The following CHN2 variants were observed in gnomAD, a reference collection of about 807,000 sequenced individuals.
CHN2 encodes beta-chimaerin.
In CHN2, 35 loss-of-function variants were observed where a neutral mutation model predicts 56.3. The ratio of observed to expected loss-of-function variants is 0.62; its 90% CI spans 0.47 to 0.82. The LOEUF (loss-of-function observed/expected upper bound fraction) is 0.82. Ranked by LOEUF, CHN2 falls within the 40% of genes least tolerant of loss-of-function variation. The pLI, the probability that CHN2 is intolerant of heterozygous loss-of-function variation, is 0.00. For missense variants in CHN2, 491 were observed against 580.5 expected (o/e 0.85, Z 1.58); for synonymous variants, 210 against 212.8 (o/e 0.99, Z 0.12).
At chr7:29,178,610 AAAAG>A (rs1430276384) in intron 2 of CHN2, among the ~76,000 whole-genome samples, 2 of 152,166 alleles carry the variant, frequency 1.3e-5, no homozygotes. Flanking sequence ...TCTTTTTAAA[AAAAG>A]CAGTTCATTG....
intron 1 of CHN2, among the ~76,000 whole-genome samples, chr7:29,222,490 C>CTGGTACATAA (rs374718249): frequency 6.6e-6 from 1 of 151,846 alleles, no homozygotes; most frequent in African/African-American, 2.4e-5. Flanking sequence ...ACCAAAACAG[C>CTGGTACATAA]ACAGACACAC....
chr7:29,316,673 GC>G (rs1161857248), intron 1 of CHN2, among the ~76,000 whole-genome samples: 3 of 152,112 alleles, frequency 2.0e-5, no homozygotes, highest in Admixed American at 6.6e-5. Flanking sequence ...TAGAGCTGCT[GC>G]CCCCAATGTG....
chr7:29,415,054 T>C (rs1803590997), intron 6 of CHN2, among the ~76,000 whole-genome samples: 1 of 152,040 alleles, frequency 6.6e-6, no homozygotes, highest in Non-Finnish European at 1.5e-5. Context: ...TGCTTAACTA[T>C]TAATAATTAA....
chr7:29,480,556 T>C (rs1261389721), intron 7 of CHN2, among the ~76,000 whole-genome samples, 200 bp downstream of exon 7: 2 of 152,244 alleles, frequency 1.3e-5, no homozygotes, highest in Non-Finnish European at 2.9e-5. Context: ...TCAGTGCTTA[T>C]GCCTGGAAAC....
intron 2 of CHN2, among the ~76,000 whole-genome samples, chr7:29,152,729 G>T (rs944488613): frequency 6.6e-6 from 1 of 152,202 alleles, no homozygotes; most frequent in African/African-American, 2.4e-5. Flanking sequence ...GAGACGGTTG[G>T]AAGAGTTAAC....
At chr7:29,280,755 T>C (rs1791639967) in intron 1 of CHN2, among the ~76,000 whole-genome samples, 1 of 152,142 alleles carries the variant, frequency 6.6e-6, no homozygotes, top group Non-Finnish European at 1.5e-5. Context: ...TTCCTCAGCT[T>C]TGAGTTCTTC....
chr7:29,149,439 C>G (rs1793280373), intron 2 of CHN2, among the ~76,000 whole-genome samples: 1 of 152,094 alleles, frequency 6.6e-6, no homozygotes, highest in African/African-American at 2.4e-5. Context: ...AGTTATCCAC[C>G]TGCCTTGGCC....
At chr7:29,305,566 A>C (rs1450035268) in intron 1 of CHN2, among the ~76,000 whole-genome samples, 4 of 152,202 alleles carry the variant, frequency 2.6e-5, no homozygotes, top group African/African-American at 9.6e-5. Flanking sequence ...AAGTTGGGTC[A>C]ATAGCTGGAT....
intron 2 of CHN2, among the ~76,000 whole-genome samples, chr7:29,365,389 A>G (rs1342235678): frequency 6.6e-6 from 1 of 152,210 alleles, no homozygotes; most frequent in Non-Finnish European, 1.5e-5. Flanking sequence ...GGGAGAAATC[A>G]TTGTTTTTGG....
chr7:29,495,629 G>A (rs1055530651), intron 7 of CHN2, among the ~76,000 whole-genome samples: 2 of 152,164 alleles, frequency 1.3e-5, no homozygotes, highest in Non-Finnish European at 2.9e-5. Flanking sequence ...GCAGGTTATA[G>A]CGACCAGCTT....
rs971475092 is a variant in CHN2 at position 29,355,390 on chromosome 7, T to C, written c.88+727T>C. Among the ~76,000 whole-genome samples, 187 of 152,262 alleles carry C rather than the reference T, an allele frequency of 1.2e-3. 2 individuals carry two copies. The highest frequency in any genetic ancestry group is 2.1e-3 in the Non-Finnish European group (143 of 68,014). ...ATCATATGACATCAATGCTGAAAAA[T>C]GAACAGATAGCGAAGAACCTGTTTG... On this transcript the variant is annotated intron_variant, in intron 2 of 12. Coordinates refer to ENST00000222792, the MANE Select transcript of CHN2 (RefSeq NM_004067.4).
chr7:29,396,405 G>A (rs1408506764), intron 4 of CHN2, among the ~76,000 whole-genome samples: 12 of 143,812 alleles, frequency 8.3e-5, no homozygotes, highest in African/African-American at 1.8e-4. Context: ...TGCAGTGAGC[G>A]AGCTGAGATC....
At chr7:29,346,831 T>C (rs983631441) in intron 1 of CHN2, among the ~76,000 whole-genome samples, 2 of 152,224 alleles carry the variant, frequency 1.3e-5, no homozygotes, top group African/African-American at 4.8e-5. Flanking sequence ...GGAGCACATG[T>C]GTTCTTTAAT....
At chr7:29,240,759 A>G (rs1787591276) in intron 1 of CHN2, among the ~76,000 whole-genome samples, 1 of 151,996 alleles carries the variant, frequency 6.6e-6, no homozygotes, top group South Asian at 2.1e-4. Flanking sequence ...GTGGTGTTGC[A>G]GGACTTTTTC....
At chr7:29,161,554 C>T (rs1360363615) in intron 2 of CHN2, among the ~76,000 whole-genome samples, 2 of 152,068 alleles carry the variant, frequency 1.3e-5, no homozygotes, top group East Asian at 1.9e-4. Context: ...ATTGTGGTCC[C>T]GGACCTGGAA....
intron 6 of CHN2, among the ~76,000 whole-genome samples, chr7:29,472,735 T>C (rs1238126706): frequency 1.3e-5 from 2 of 152,226 alleles, no homozygotes; most frequent in Admixed American, 1.3e-4. Context: ...GTTGGCATCA[T>C]GGTAGTCACC....
At chr7:29,296,523 A>C (rs547599926) in intron 1 of CHN2, among the ~76,000 whole-genome samples, 73 of 152,362 alleles carry the variant, frequency 4.8e-4, no homozygotes, top group Middle Eastern at 3.4e-3. Flanking sequence ...AAAACAATAG[A>C]GAGATGTCAG....
intron 6 of CHN2, among the ~76,000 whole-genome samples, chr7:29,424,347 T>A (rs1392875471): frequency 6.6e-6 from 1 of 152,206 alleles, no homozygotes; most frequent in Non-Finnish European, 1.5e-5. Flanking sequence ...CTCCCCAGTT[T>A]TTTTTTAAAT....
intron 1 of CHN2, among the ~76,000 whole-genome samples, chr7:29,274,907 G>A (rs1008853956): frequency 2.6e-5 from 4 of 152,214 alleles, no homozygotes; most frequent in Admixed American, 2.6e-4. Context: ...AGGAGAGTCA[G>A]AGATCACCCA....
Sources: gnomAD v4.1 joint callset for allele counts (sites outside exome capture counted in the v4.1 genomes callset) on GRCh38, gnomAD v4.1.1 for gene constraint, MANE v1.5 for transcripts, NCBI Gene and HGNC (gene_info 2026-07-23, HGNC 2026-07-21) for gene names.